IQCK: variants seen among roughly 807,000 people sequenced by gnomAD.
IQCK encodes IQ domain-containing protein K.
A neutral mutation model predicts 28.1 loss-of-function variants in IQCK; 29 were observed. The observed-to-expected ratio is 1.03, with a 90% CI of 0.77 to 1.41. IQCK has a LOEUF of 1.41. Ranked by LOEUF, IQCK falls within the 40% of genes most tolerant of loss-of-function variation. The pLI is 0.00. For synonymous variants in IQCK, 113 were observed against 115.1 expected (o/e 0.98, Z 0.12); for missense variants, 359 against 314.7 (o/e 1.14, Z -1.07).
At chr16:19,770,260 C>G (rs998303768) in intron 6 of IQCK, among the ~76,000 whole-genome samples, 2 of 152,140 alleles carry the variant, frequency 1.3e-5, no homozygotes, top group Non-Finnish European at 2.9e-5. Context: ...GTAACAATGA[C>G]TTGTTTCAAC....
At chr16:19,804,092 T>C (rs966165040) in intron 7 of IQCK, among the ~76,000 whole-genome samples, 2 of 152,162 alleles carry the variant, frequency 1.3e-5, no homozygotes, top group Non-Finnish European at 2.9e-5. Context: ...GGCTCACGCC[T>C]GTAATCCCAG....
At chr16:19,785,926 A>G (rs1167285565) in intron 6 of IQCK, among the ~76,000 whole-genome samples, 1 of 152,054 alleles carries the variant, frequency 6.6e-6, no homozygotes, top group African/African-American at 2.4e-5. Context: ...GTTTTGTACA[A>G]TTCTTTGTTC....
At chr16:19,843,665 G>A (rs1408488018) in intron 9 of IQCK, among the ~76,000 whole-genome samples, 2 of 152,194 alleles carry the variant, frequency 1.3e-5, no homozygotes, top group African/African-American at 4.8e-5. Context: ...GTAAGTCTGA[G>A]ATCAAGGAAC....
At chr16:19,817,175 TAG>T (rs1254127668) in intron 7 of IQCK, among the ~76,000 whole-genome samples, 1 of 152,112 alleles carries the variant, frequency 6.6e-6, no homozygotes, top group Non-Finnish European at 1.5e-5. Context: ...AAGGAGCAAA[TAG>T]AGACTCCACA....
At chr16:19,856,724 A>C (rs2056567463) in exon 10 of IQCK, 2 of 589,038 alleles carry the variant, frequency 3.4e-6, no homozygotes, top group East Asian at 5.7e-5. Flanking sequence ...CAAATAGTTT[A>C]GAAAAGAAAG....
At chr16:19,843,166 T>C (rs969415842) in intron 9 of IQCK, among the ~76,000 whole-genome samples, 8 of 152,220 alleles carry the variant, frequency 5.3e-5, no homozygotes, top group Non-Finnish European at 1.0e-4. Context: ...ATGACCATTA[T>C]TGAAATGTCA....
chr16:19,745,595 G>A (rs2054899751), intron 4 of IQCK, among the ~76,000 whole-genome samples: 1 of 152,196 alleles, frequency 6.6e-6, no homozygotes, highest in African/African-American at 2.4e-5. Context: ...TTGCTATCCT[G>A]AAATGAAATG....
At chr16:19,841,057 CG>C (rs2141111657) in intron 9 of IQCK, among the ~76,000 whole-genome samples, 1 of 152,308 alleles carries the variant, frequency 6.6e-6, no homozygotes, top group African/African-American at 2.4e-5. Flanking sequence ...ACAGCTAAAG[CG>C]TCTTGCCAGT....
intron 9 of IQCK, among the ~76,000 whole-genome samples, chr16:19,852,858 G>A (rs540884850): frequency 1.9e-4 from 29 of 152,094 alleles, no homozygotes; most frequent in Non-Finnish European, 3.4e-4. Flanking sequence ...TCCTGATCTC[G>A]TGATCTGCCC....
chr16:19,745,472 G>T (rs2054898124), intron 4 of IQCK, among the ~76,000 whole-genome samples: 1 of 152,146 alleles, frequency 6.6e-6, no homozygotes, highest in African/African-American at 2.4e-5. Context: ...AACATCACAT[G>T]GGCCAGTAAA....
At chr16:19,847,536 G>T (rs1284943713) in intron 9 of IQCK, among the ~76,000 whole-genome samples, 1 of 152,208 alleles carries the variant, frequency 6.6e-6, no homozygotes, top group African/African-American at 2.4e-5. Flanking sequence ...TCACCATAGA[G>T]TAGTTTTGCT....
intron 7 of IQCK, among the ~76,000 whole-genome samples, chr16:19,805,648 C>G (rs1006833600): frequency 6.6e-6 from 1 of 152,180 alleles, no homozygotes; most frequent in East Asian, 1.9e-4. Flanking sequence ...AACTCCAAAA[C>G]TCAGCAGCTC....
intron 4 of IQCK, among the ~76,000 whole-genome samples, chr16:19,742,303 T>G (rs2054848622): frequency 6.6e-6 from 1 of 152,232 alleles, no homozygotes; most frequent in South Asian, 2.1e-4. Context: ...TACTATTAAC[T>G]TTCTTCATTT....
At chr16:19,735,313 C>A in intron 3 of IQCK, 40 bp from the exon 4 acceptor site, 1 of 1,428,274 alleles carries the variant, frequency 7.0e-7, no homozygotes, top group Non-Finnish European at 9.9e-7. Flanking sequence ...GCTCGGGCCA[C>A]TGGGGATTTG....
At position 19,730,505 on chromosome 16, in the gene IQCK, C is replaced by G. The variant is rs747677915; in HGVS notation, c.246+11C>G. On this transcript the variant is annotated intron_variant, in intron 2 of 7. Coordinates refer to ENST00000564186, the Ensembl canonical transcript of IQCK. ...GAGCCTGTGATTACGGTGAGTATTA[C>G]CTAGGCCTCAACCGAAGCAAGAAGC... is the stretch of plus-strand genomic sequence containing the variant. The G allele has an allele frequency of 6.3e-7, 1 of 1,583,842 alleles. No homozygotes were observed. Among genetic ancestry groups the G allele is most frequent in the Admixed American group, 1.8e-5 (1 of 54,670 alleles).
chr16:19,779,739 A>G (rs770678404), intron 6 of IQCK, among the ~76,000 whole-genome samples: 9 of 150,068 alleles, frequency 6.0e-5, no homozygotes, highest in Admixed American at 2.6e-4. Flanking sequence ...TTTTTTTGAG[A>G]TGGAGTCTCG....
At chr16:19,841,951 T>C (rs1405000759) in intron 9 of IQCK, among the ~76,000 whole-genome samples, 2 of 152,170 alleles carry the variant, frequency 1.3e-5, no homozygotes, top group East Asian at 3.9e-4. Context: ...GTTCAGGCAA[T>C]TCTCCTGCCT....
intron 7 of IQCK, among the ~76,000 whole-genome samples, chr16:19,810,909 G>A (rs2141066983): frequency 6.6e-6 from 1 of 152,326 alleles, no homozygotes; most frequent in Non-Finnish European, 1.5e-5. Flanking sequence ...AATAGTGCTG[G>A]CACTATTATG....
At chr16:19,856,659 T>C (rs1487379735) in exon 10 of IQCK, 1 of 833,770 alleles carries the variant, frequency 1.2e-6, no homozygotes, top group Admixed American at 2.1e-5. Flanking sequence ...TTGGAACATG[T>C]GCAAATGGAA....
Sources: gnomAD v4.1 joint callset for allele counts (sites outside exome capture counted in the v4.1 genomes callset) on GRCh38, gnomAD v4.1.1 for gene constraint, MANE v1.5 for transcripts, NCBI Gene and HGNC (gene_info 2026-07-23, HGNC 2026-07-21) for gene names.